GPC5: variants seen among roughly 807,000 people sequenced by gnomAD.
GPC5 encodes glypican 5.
Under a neutral mutation model 53.9 loss-of-function variants are expected in GPC5, and 47 were observed. That is an observed-to-expected ratio of 0.87 (90% CI 0.69 to 1.11). The LOEUF is 1.11. Ranked by LOEUF, GPC5 falls within the 50% of genes most tolerant of loss-of-function variation. The pLI, the probability that GPC5 is intolerant of heterozygous loss-of-function variation, is 0.00. For missense variants in GPC5, 748 were observed against 713.1 expected (o/e 1.05, Z -0.56); for synonymous variants, 286 against 263.3 (o/e 1.09, Z -0.84).
intron 7 of GPC5, among the ~76,000 whole-genome samples, chr13:92,402,851 C>T (rs1875620835): frequency 2.0e-5 from 3 of 152,150 alleles, no homozygotes; most frequent in Non-Finnish European, 2.9e-5. Flanking sequence ...ATAGATGACT[C>T]ATAGGGGGAA....
chr13:92,782,562 A>T (rs1300682361), intron 7 of GPC5, among the ~76,000 whole-genome samples: 1 of 152,192 alleles, frequency 6.6e-6, no homozygotes, highest in Non-Finnish European at 1.5e-5. Flanking sequence ...TTGTGAGCGG[A>T]GCAGAGAAGA....
chr13:92,110,059 A>G (rs1467656455), intron 6 of GPC5, among the ~76,000 whole-genome samples: 1 of 152,228 alleles, frequency 6.6e-6, no homozygotes, highest in Non-Finnish European at 1.5e-5. Flanking sequence ...CAGTATCCAT[A>G]TAATGAGGTG....
intron 5 of GPC5, among the ~76,000 whole-genome samples, chr13:91,888,174 A>G (rs1281566542): frequency 6.6e-6 from 1 of 152,194 alleles, no homozygotes; most frequent in Non-Finnish European, 1.5e-5. Flanking sequence ...CATGTCTCAT[A>G]TGGTGGCAGG....
intron 2 of GPC5, among the ~76,000 whole-genome samples, chr13:91,479,426 A>C (rs1883185326): frequency 6.6e-6 from 1 of 152,154 alleles, no homozygotes; most frequent in African/African-American, 2.4e-5. Context: ...TTTATGAGGT[A>C]TGGGTGCATT....
chr13:92,535,874 C>A (rs1881707284), intron 7 of GPC5, among the ~76,000 whole-genome samples: 1 of 152,064 alleles, frequency 6.6e-6, no homozygotes, highest in African/African-American at 2.4e-5. Flanking sequence ...TATAAAAACT[C>A]ACCTCAATGG....
At chr13:92,479,182 G>A (rs1389158832) in intron 7 of GPC5, among the ~76,000 whole-genome samples, 2 of 152,106 alleles carry the variant, frequency 1.3e-5, no homozygotes, top group African/African-American at 2.4e-5. Flanking sequence ...AATTAGATGG[G>A]TTTAACATAC....
intron 1 of GPC5, among the ~76,000 whole-genome samples, chr13:91,443,428 C>G (rs1221856040): frequency 6.6e-6 from 1 of 152,116 alleles, no homozygotes; most frequent in Non-Finnish European, 1.5e-5. Context: ...AACTTCTAGC[C>G]TCCAGAACTG....
At chr13:92,269,959 GTAGT>G (rs2042828775) in intron 7 of GPC5, among the ~76,000 whole-genome samples, 1 of 152,128 alleles carries the variant, frequency 6.6e-6, no homozygotes, top group Non-Finnish European at 1.5e-5. Context: ...CAAGTAACCT[GTAGT>G]TATATCCTCC....
chr13:91,705,616 C>T (rs1199840358), intron 3 of GPC5, among the ~76,000 whole-genome samples: 2 of 151,518 alleles, frequency 1.3e-5, no homozygotes, highest in Non-Finnish European at 2.9e-5. Flanking sequence ...TTGTGTGTTT[C>T]AATGTTACCT....
intron 2 of GPC5, among the ~76,000 whole-genome samples, chr13:91,577,867 T>A (rs944031122): frequency 6.6e-6 from 1 of 152,240 alleles, no homozygotes; most frequent in African/African-American, 2.4e-5. Context: ...GTCCACAGAT[T>A]CTTTGACATT....
intron 6 of GPC5, among the ~76,000 whole-genome samples, chr13:92,009,790 G>A (rs752361690): frequency 1.3e-5 from 2 of 152,130 alleles, no homozygotes; most frequent in Non-Finnish European, 2.9e-5. Flanking sequence ...TCCTGGCAGA[G>A]AGCCATAGCA....
In GPC5 at chr13:92,385,421, CATATATACATATATACAT is replaced by C. The variant is rs1251343482; in HGVS notation, c.1561+240438_1561+240455del. Among the ~76,000 whole-genome samples, 39 of 30,034 alleles carry C rather than the reference CATATATACATATATACAT, an allele frequency of 1.3e-3. 6 individuals are homozygous for C. Among genetic ancestry groups the C allele is most frequent in the African/African-American group, 2.6e-3 (33 of 12,622 alleles). The allele number at this position is 30,034 out of a possible 152,430, so 19.7% of individuals were successfully genotyped here. A position where few individuals can be genotyped will look rare whatever the true frequency, so the allele number is the denominator to read the frequency against. ...ATACACATATATACACATATATATA[CATATATACATATATACAT>C]ATATACATATATACATATATACACA... On this transcript the variant is annotated intron_variant, in intron 7 of 7. Transcript: ENST00000377067.
chr13:92,399,196 T>G (rs952724539), intron 7 of GPC5, among the ~76,000 whole-genome samples: 4 of 152,228 alleles, frequency 2.6e-5, no homozygotes, highest in Non-Finnish European at 1.5e-5. Flanking sequence ...CTGAGTGTAC[T>G]GCAGGCTGAG....
At chr13:91,409,540 T>A (rs1877571473) in intron 1 of GPC5, among the ~76,000 whole-genome samples, 1 of 152,226 alleles carries the variant, frequency 6.6e-6, no homozygotes, top group African/African-American at 2.4e-5. Context: ...ATATCTTACA[T>A]AAGGAAAACT....
intron 6 of GPC5, among the ~76,000 whole-genome samples, chr13:92,098,799 C>T (rs2041442026): frequency 6.6e-6 from 1 of 152,078 alleles, no homozygotes; most frequent in African/African-American, 2.4e-5. Flanking sequence ...CTTAGAGCCG[C>T]CACAAAACAA....
At chr13:92,145,276 A>ATACTAATTG (rs1566455168) in intron 7 of GPC5, among the ~76,000 whole-genome samples, 1 of 152,138 alleles carries the variant, frequency 6.6e-6, no homozygotes, top group East Asian at 1.9e-4. Context: ...GGCATAATGG[A>ATACTAATTG]TACTAATTGT....
At chr13:92,605,759 T>C (rs1279090778) in intron 7 of GPC5, among the ~76,000 whole-genome samples, 2 of 151,902 alleles carry the variant, frequency 1.3e-5, no homozygotes, top group African/African-American at 2.4e-5. Flanking sequence ...CCGGCTAACG[T>C]ATTCACTAGT....
intron 6 of GPC5, among the ~76,000 whole-genome samples, chr13:91,928,932 C>T (rs574775392): frequency 7.2e-5 from 11 of 152,168 alleles, no homozygotes; most frequent in African/African-American, 2.2e-4. Flanking sequence ...TCCAGAGAAA[C>T]GGCAATATTT....
At chr13:91,432,802 A>G (rs1879600460) in intron 1 of GPC5, among the ~76,000 whole-genome samples, 1 of 152,226 alleles carries the variant, frequency 6.6e-6, no homozygotes, top group Admixed American at 6.5e-5. Flanking sequence ...TATAAATACA[A>G]TAGCCATAAA....
Sources: gnomAD v4.1 joint callset for allele counts (sites outside exome capture counted in the v4.1 genomes callset) on GRCh38, gnomAD v4.1.1 for gene constraint, MANE v1.5 for transcripts, NCBI Gene and HGNC (gene_info 2026-07-23, HGNC 2026-07-21) for gene names.